ARID2: variants seen among roughly 807,000 people sequenced by gnomAD.
ARID2 encodes the protein AT-rich interaction domain 2, also known as AT-rich interactive domain-containing protein 2.
A neutral mutation model predicts 184.6 loss-of-function variants in ARID2; 32 were observed. The observed-to-expected ratio is 0.17, with a 90% CI of 0.13 to 0.23. The LOEUF is 0.23. ARID2 is among the 10% of genes least tolerant of loss of function. The pLI is 1.00. For synonymous variants in ARID2, 836 were observed against 772.6 expected (o/e 1.08, Z -1.36); for missense variants, 1,696 against 2,197.6 (o/e 0.77, Z 4.56).
Position 45,852,516 on chromosome 12 carries a change from C to G in ARID2, c.4393C>G (p.Pro1465Ala). 6.2e-7 allele frequency: 1 copy of G among 1,614,112 alleles called. No homozygotes were observed. Among genetic ancestry groups the G allele is most frequent in the Non-Finnish European group, 8.5e-7 (1 of 1,180,008 alleles). ...GAATTCAGATGTGCCTCAGCAACGC[C>G]CAAGTGTAGTTGTCTCACCACATTC... ...SLNSDVPQQR[P>A]SVVVSPHSTT... Residue 1465 changes from proline (P) to alanine (A), a missense_variant, in exon 15 of 21, where the codon CCA becomes GCA. By Grantham distance (27) the Pro-to-Ala change is conservative (BLOSUM62 -1). This residue lies in a region of ARID2 where 428 missense variants were observed against 409.1 expected (regional missense o/e 1.05). Coordinates refer to ENST00000334344, the MANE Select transcript of ARID2 (RefSeq NM_152641.4).
chr12:45,880,646 C>T (rs574650208), intron 16 of ARID2, among the ~76,000 whole-genome samples: 3 of 152,294 alleles, frequency 2.0e-5, no homozygotes, highest in African/African-American at 7.2e-5. Context: ...AGATTAAACA[C>T]ATTAATGCAA....
intron 15 of ARID2, 109 bp downstream of exon 15, chr12:45,853,005 C>T: frequency 7.0e-7 from 1 of 1,419,248 alleles, no homozygotes; most frequent in Non-Finnish European, 9.2e-7. Flanking sequence ...GTTACTGTAT[C>T]AGCTCACTTG....
intron 6 of ARID2, among the ~76,000 whole-genome samples, chr12:45,825,555 T>C (rs1942979818): frequency 6.6e-6 from 1 of 152,222 alleles, no homozygotes; most frequent in Non-Finnish European, 1.5e-5. Flanking sequence ...AAAAACTTTA[T>C]TCTTTAGCAG....
chr12:45,751,508 A>T (rs1213643271), intron 3 of ARID2, among the ~76,000 whole-genome samples: 1 of 152,220 alleles, frequency 6.6e-6, no homozygotes, highest in Admixed American at 6.5e-5. Context: ...TTTGTTGTGT[A>T]TAGATGTTGC....
chr12:45,867,468 C>T lies in ARID2; in HGVS notation c.4922+6519C>T, dbSNP rs1301458266. 5.3e-5 allele frequency among the ~76,000 whole-genome samples: 8 copies of T among 151,608 alleles called. No individual in the cohort carries two copies. The East Asian group carries it at 7.9e-4, about 15-fold the overall frequency. ...TTTAAAATTTTCTGTGCTGGCCGGG[C>T]GCAGTGGCTCATGCCTGTAATCCCA... On this transcript the variant is annotated intron_variant, in intron 16 of 20. Transcript: ENST00000334344.
At chr12:45,774,510 T>C (rs1001149872) in intron 3 of ARID2, among the ~76,000 whole-genome samples, 1 of 152,086 alleles carries the variant, frequency 6.6e-6, no homozygotes, top group Non-Finnish European at 1.5e-5. Flanking sequence ...TTCCCCTTTA[T>C]GTGTATGTAT....
At chr12:45,744,892 G>GA (rs770988069) in intron 3 of ARID2, among the ~76,000 whole-genome samples, 3 of 152,106 alleles carry the variant, frequency 2.0e-5, no homozygotes, top group East Asian at 1.9e-4. Context: ...TTTGGTTATT[G>GA]AAAAAATCTT....
rs750533653 is a variant in ARID2, at chr12:45,904,965, G to A, written c.5395G>A (p.Val1799Met). Residue 1799 changes from valine (V) to methionine (M), a missense_variant, in exon 21 of 21, where the codon GTG becomes ATG. Val to Met is a conservative substitution (Grantham distance 21, BLOSUM62 1). Transcript: ENST00000334344. ...AAAGAGACATGAAAATAACTTATCA[G>A]TGCTAGCCATTAGTAACATGGAAGC... ...LLKRHENNLS[V>M]LAISNMEASS... 3.1e-6 allele frequency: 5 copies of A among 1,613,798 alleles called. No individual in the cohort carries two copies. Among genetic ancestry groups the A allele is most frequent in the Non-Finnish European group, 4.2e-6 (5 of 1,179,974 alleles).
chr12:45,876,126 C>G (rs1007942360), intron 16 of ARID2, among the ~76,000 whole-genome samples: 3 of 152,214 alleles, frequency 2.0e-5, no homozygotes, highest in South Asian at 4.1e-4. Context: ...CTTCCTTTCA[C>G]TTGAACACTG....
At chr12:45,755,414 T>G (rs1204847976) in intron 3 of ARID2, among the ~76,000 whole-genome samples, 1 of 152,228 alleles carries the variant, frequency 6.6e-6, no homozygotes, top group East Asian at 1.9e-4. Context: ...TTAAGATAAA[T>G]GTGAACTAAT....
chr12:45,828,200 C>T (rs1382661737), intron 6 of ARID2, among the ~76,000 whole-genome samples: 1 of 152,042 alleles, frequency 6.6e-6, no homozygotes, highest in African/African-American at 2.4e-5. Flanking sequence ...CATTCACTCC[C>T]TTATCTGTTA....
chr12:45,794,949 G>A (rs1272988478), intron 3 of ARID2, among the ~76,000 whole-genome samples: 2 of 151,880 alleles, frequency 1.3e-5, no homozygotes, highest in Admixed American at 1.3e-4. Flanking sequence ...GGTTTCCAGG[G>A]CACTTTCCCC....
chr12:45,747,445 A>G (rs1409332646), intron 3 of ARID2, among the ~76,000 whole-genome samples: 2 of 151,894 alleles, frequency 1.3e-5, no homozygotes, highest in East Asian at 3.9e-4. Flanking sequence ...CTCCTAGTTT[A>G]CTATCAGAGT....
intron 3 of ARID2, among the ~76,000 whole-genome samples, chr12:45,762,778 T>C (rs546031788): frequency 6.6e-6 from 1 of 152,350 alleles, no homozygotes; most frequent in African/African-American, 2.4e-5. Flanking sequence ...GTAATAGCTA[T>C]AAATGATTAA....
intron 3 of ARID2, among the ~76,000 whole-genome samples, chr12:45,784,013 A>G (rs1468723207): frequency 6.6e-6 from 1 of 152,184 alleles, no homozygotes; most frequent in Admixed American, 6.5e-5. Flanking sequence ...GTTTAGAATC[A>G]GGGTCTCACT....
chr12:45,730,331 C>G (rs1940957044), intron 2 of ARID2, among the ~76,000 whole-genome samples, 194 bp downstream of exon 2: 1 of 146,844 alleles, frequency 6.8e-6, no homozygotes, highest in African/African-American at 2.4e-5. Flanking sequence ...GTGCGCGCGG[C>G]GGGCGCGGGG....
chr12:45,771,170 C>T (rs981923179), intron 3 of ARID2, among the ~76,000 whole-genome samples: 5 of 151,958 alleles, frequency 3.3e-5, no homozygotes, highest in African/African-American at 4.8e-5. Context: ...GCAGGCTGGG[C>T]GCAGTGGTGA....
intron 3 of ARID2, among the ~76,000 whole-genome samples, chr12:45,798,059 A>G (rs1445723146): frequency 6.6e-6 from 1 of 152,154 alleles, no homozygotes; most frequent in East Asian, 1.9e-4. Flanking sequence ...TTTATTACCT[A>G]GATAGAAATA....
At chr12:45,837,462 T>C (rs1320475772) in intron 9 of ARID2, 36 bp from the exon 10 acceptor site, 4 of 1,610,812 alleles carry the variant, frequency 2.5e-6, no homozygotes, top group Non-Finnish European at 3.4e-6. Flanking sequence ...AAACAAACTA[T>C]CATTTCTTAG....
Sources: gnomAD v4.1 joint callset for allele counts (sites outside exome capture counted in the v4.1 genomes callset) on GRCh38, gnomAD v4.1.1 for gene constraint, gnomAD v4.1.1 regional missense constraint, MANE v1.5 for transcripts, NCBI Gene and HGNC (gene_info 2026-07-23, HGNC 2026-07-21) for gene names.